TIMP2: variants seen among roughly 807,000 people sequenced by gnomAD.
TIMP2 encodes the protein metalloproteinase inhibitor 2.
Under a neutral mutation model 24.3 loss-of-function variants are expected in TIMP2, and 5 were observed. That is an observed-to-expected ratio of 0.21 (90% CI 0.11 to 0.43). TIMP2 has a LOEUF of 0.43. TIMP2 is among the 20% of genes least tolerant of loss of function. TIMP2 has a pLI of 1.00. For synonymous variants in TIMP2, 130 were observed against 123.2 expected (o/e 1.06, Z -0.37); for missense variants, 221 against 297.5 (o/e 0.74, Z 1.89).
intron 3 of TIMP2, among the ~76,000 whole-genome samples, chr17:78,859,324 T>C (rs1315370314): frequency 3.3e-5 from 5 of 152,200 alleles, no homozygotes; most frequent in Non-Finnish European, 4.4e-5. Flanking sequence ...TGTGTTCCAG[T>C]GGCTGACAGA....
intron 3 of TIMP2, 101 bp from the exon 4 acceptor site, chr17:78,857,747 A>G: frequency 1.3e-6 from 2 of 1,488,862 alleles, no homozygotes; most frequent in Admixed American, 3.8e-5. Flanking sequence ...TCGTTGCAAC[A>G]ATCCTGTGCA....
At chr17:78,909,480 A>C (rs2070188999) in intron 1 of TIMP2, among the ~76,000 whole-genome samples, 1 of 136,142 alleles carries the variant, frequency 7.3e-6, no homozygotes, top group African/African-American at 2.7e-5. Context: ...TGACCCCCCC[A>C]CCCAGTCCTT....
intron 3 of TIMP2, among the ~76,000 whole-genome samples, chr17:78,860,953 T>C (rs1177258429): frequency 6.6e-6 from 1 of 151,348 alleles, no homozygotes; most frequent in Non-Finnish European, 1.5e-5. Flanking sequence ...GGAGAATCGC[T>C]TGAACCCGGG....
intron 1 of TIMP2, chr17:78,892,598 C>T: frequency 7.8e-7 from 1 of 1,285,222 alleles, no homozygotes; most frequent in African/African-American, 1.5e-5. Flanking sequence ...TGACCCGTGC[C>T]CACCAGGGCC....
rs1426395754 is a variant in TIMP2, at chr17:78,854,892, T to C, written c.*775A>G. 1 of 121,360 alleles carries C rather than the reference T, an allele frequency of 8.2e-6. No homozygotes were observed. Among genetic ancestry groups the C allele is most frequent in the African/African-American group, 3.2e-5 (1 of 31,432 alleles). 7.5% of individuals were successfully genotyped at this position (121,360 alleles called of 1,614,324 possible). On this transcript the variant is annotated 3_prime_UTR_variant, in exon 5 of 5. Transcript: ENST00000262768. ...CAGCCTCAGGACAGGACCTCACCGA[T>C]TCCTCCTGCAAGCTGGGGAGCATGT... is the stretch of plus-strand genomic sequence containing the variant.
At position 78,855,890 on chromosome 17, in the gene TIMP2, C is replaced by T. The variant is rs757889639; in HGVS notation, c.466-26G>A. 25 of 1,612,350 alleles carry T rather than the reference C, an allele frequency of 1.6e-5. 1 individual carries two copies. Among genetic ancestry groups the T allele is most frequent in the Middle Eastern group, 1.6e-4 (1 of 6,080 alleles). ...CTGGGGAGGGGCACACGGAGGGGGA[C>T]GGAGTCAGGGACCCAGGAAGGGGTG... On this transcript the variant is annotated intron_variant, in intron 4 of 4. Transcript: ENST00000262768. The surrounding 1 kb of genome is among the most constrained non-coding windows in gnomAD (Gnocchi z 6.0).
In TIMP2 at chr17:78,900,500, G is replaced by A. The variant is rs797006322; in HGVS notation, c.130+24459C>T. Among the ~76,000 whole-genome samples the A allele has an allele frequency of 3.3e-4, 49 of 150,464 alleles. No homozygotes were observed. In the South Asian group the frequency reaches 4.0e-3, roughly 12 times the overall value. On this transcript the variant is annotated intron_variant, in intron 1 of 4. Coordinates refer to ENST00000262768, the MANE Select transcript of TIMP2 (RefSeq NM_003255.5). ...GCGGAGGTTGCAGTGAGCCAAGATC[G>A]CACCACTGTACTCTAGCCTAGGCAA...
chr17:78,905,144 A>G (rs1277088555), intron 1 of TIMP2: 3 of 151,658 alleles, frequency 2.0e-5, no homozygotes, highest in African/African-American at 7.3e-5. Context: ...CATCTCAAAA[A>G]AAAAAAGAGA....
At chr17:78,877,703 C>G (rs907749558) in intron 1 of TIMP2, among the ~76,000 whole-genome samples, 12 of 150,530 alleles carry the variant, frequency 8.0e-5, no homozygotes, top group Non-Finnish European at 1.5e-4. Flanking sequence ...TCTTTTCTTT[C>G]TTTCTTTTTT....
intron 2 of TIMP2, among the ~76,000 whole-genome samples, chr17:78,872,875 G>A (rs1449664339): frequency 6.6e-6 from 1 of 151,904 alleles, no homozygotes; most frequent in Non-Finnish European, 1.5e-5. Flanking sequence ...TGTCGCACAG[G>A]CTGGAATGCA....
intron 1 of TIMP2, among the ~76,000 whole-genome samples, chr17:78,921,272 C>T (rs1163741273): frequency 6.6e-6 from 1 of 151,896 alleles, no homozygotes; most frequent in Non-Finnish European, 1.5e-5. Context: ...AGTTGTTCCC[C>T]CTCTTGGTTG....
chr17:78,886,026 A>G (rs997688490), intron 1 of TIMP2, among the ~76,000 whole-genome samples: 17 of 152,136 alleles, frequency 1.1e-4, no homozygotes, highest in African/African-American at 3.6e-4. Flanking sequence ...TTGGGTGTGG[A>G]CATCCTGGAG....
chr17:78,896,972 G>C lies in TIMP2; in HGVS notation c.131-23053C>G. 1 of 985,420 alleles carries C rather than the reference G, an allele frequency of 1.0e-6. No individual in the cohort carries two copies. The highest frequency in any genetic ancestry group is 1.2e-6 in the Non-Finnish European group (1 of 829,930). The allele number at this position is 985,420 out of a possible 1,614,324, so 61.0% of individuals were successfully genotyped here. A position where few individuals can be genotyped will look rare whatever the true frequency, so the allele number is the denominator to read the frequency against. On this transcript the variant is annotated intron_variant, in intron 1 of 4. Coordinates refer to ENST00000262768, the MANE Select transcript of TIMP2 (RefSeq NM_003255.5). This position sits in a 1 kb window ranked among gnomAD's most constrained non-coding sequence, Gnocchi z 4.4. ...AGGCAACCTCTGGCCTACAGCTTGAGAATGACGTCCAAGCAGCTCGCCTTT... is the reference window on the plus strand; with the variant it reads ...AGGCAACCTCTGGCCTACAGCTTGACAATGACGTCCAAGCAGCTCGCCTTT...
chr17:78,877,615 C>T (rs34942994), intron 1 of TIMP2, among the ~76,000 whole-genome samples: 25,431 of 151,964 alleles, frequency 0.17, 2,274 homozygotes, highest in East Asian at 0.28. Context: ...TCAACAGTTC[C>T]AGTAGGAGCA....
intron 1 of TIMP2, among the ~76,000 whole-genome samples, chr17:78,923,396 T>TGGGGGGGGGGGGTGGGGTG (rs1255104339): frequency 2.1e-5 from 1 of 47,662 alleles, no homozygotes; most frequent in Non-Finnish European, 3.9e-5. Context: ...TGGGGCGGGG[T>TGGGGGGGGGGGGTGGGGTG]GGGGGGGGGG....
At position 78,855,485 on chromosome 17, in the gene TIMP2, C is replaced by T. The variant is rs1286279719; in HGVS notation, c.*182G>A. On this transcript the variant is annotated 3_prime_UTR_variant, in exon 5 of 5. Coordinates refer to ENST00000262768, the MANE Select transcript of TIMP2 (RefSeq NM_003255.5). The surrounding 1 kb of genome is among the most constrained non-coding windows in gnomAD (Gnocchi z 6.0). ...GGATGGGATGAGGACCTTGGACCCA[C>T]GTCTCCCTCCAGACCCACAACCATG... 4.2e-6 allele frequency: 3 copies of T among 721,162 alleles called. No homozygotes were observed. Among genetic ancestry groups the T allele is most frequent in the Non-Finnish European group, 4.5e-6 (2 of 446,088 alleles). 44.7% of individuals were successfully genotyped at this position (721,162 alleles called of 1,614,324 possible).
intron 1 of TIMP2, among the ~76,000 whole-genome samples, chr17:78,909,073 T>G (rs183905992): frequency 6.6e-6 from 1 of 152,246 alleles, no homozygotes; most frequent in East Asian, 1.9e-4. Context: ...GTAGGTCAGG[T>G]GCAGTGGCTC....
At chr17:78,903,644 G>A (rs1038638757) in intron 1 of TIMP2, among the ~76,000 whole-genome samples, 1 of 152,188 alleles carries the variant, frequency 6.6e-6, no homozygotes, top group African/African-American at 2.4e-5. Flanking sequence ...GGCGGGGGAA[G>A]AAAGAATCCC....
At chr17:78,870,344 A>T (rs1429159125) in intron 3 of TIMP2, among the ~76,000 whole-genome samples, 2 of 151,202 alleles carry the variant, frequency 1.3e-5, no homozygotes, top group Non-Finnish European at 2.9e-5. Flanking sequence ...TGAACCCAGG[A>T]GGTGGAGGTT....
Sources: allele counts gnomAD v4.1 joint callset (sites outside exome capture counted in the v4.1 genomes callset), GRCh38; gene constraint gnomAD v4.1.1; non-coding constraint Gnocchi (gnomAD v3.1); transcripts MANE v1.5; gene names NCBI Gene and HGNC (gene_info 2026-07-23, HGNC 2026-07-21).